Variants in CCDC91 observed in about 807,000 individuals in gnomAD.
CCDC91 encodes the protein coiled-coil domain-containing protein 91.
CCDC91 carries 48 observed loss-of-function variants against 63.2 expected under a neutral mutation model. The observed-to-expected ratio is 0.76, with a 90% CI of 0.60 to 0.97. The LOEUF is 0.97. Among genes scored for constraint, CCDC91 ranks in the 50% least tolerant of loss-of-function variants. The pLI is 0.00. For synonymous variants in CCDC91, 167 were observed against 165.8 expected (o/e 1.01, Z -0.06); for missense variants, 500 against 494.6 (o/e 1.01, Z -0.10).
chr12:28,420,667 C>T (rs1196721810), intron 8 of CCDC91, among the ~76,000 whole-genome samples: 1 of 151,968 alleles, frequency 6.6e-6, no homozygotes, highest in Admixed American at 6.6e-5. Context: ...GTATTTCCCA[C>T]CTATTTGTTC....
chr12:28,539,061 T>C (rs1001153527), intron 12 of CCDC91, among the ~76,000 whole-genome samples: 20 of 152,202 alleles, frequency 1.3e-4, no homozygotes, highest in African/African-American at 4.6e-4. Context: ...GTAGGTTGCC[T>C]GTTCACTCTG....
chr12:28,328,548 A>G (rs992705941), intron 6 of CCDC91, among the ~76,000 whole-genome samples: 1 of 152,168 alleles, frequency 6.6e-6, no homozygotes, highest in Non-Finnish European at 1.5e-5. Context: ...GACTCCTTGC[A>G]TAGTGGAAGT....
chr12:28,511,204 C>T (rs567860996), intron 12 of CCDC91, among the ~76,000 whole-genome samples: 2 of 151,986 alleles, frequency 1.3e-5, no homozygotes, highest in East Asian at 3.9e-4. Context: ...GACCAAGCTA[C>T]CATTATCTTT....
At chr12:28,439,035 A>G (rs1949048513) in intron 8 of CCDC91, among the ~76,000 whole-genome samples, 1 of 152,186 alleles carries the variant, frequency 6.6e-6, no homozygotes, top group Non-Finnish European at 1.5e-5. Context: ...CTGCCTTTTT[A>G]ATGCTGATGC....
In CCDC91 at chr12:28,305,749, A is replaced by G. The variant is rs766905956; in HGVS notation, c.210A>G (p.Ser70=). The G allele has an allele frequency of 1.2e-6, 2 of 1,613,196 alleles. No individual in the cohort carries two copies. The highest frequency in any genetic ancestry group is 2.2e-5 in the South Asian group (2 of 91,042). The part of the protein sequence containing the change: ...GCLSSDAIIS[S]PENTHAANSI... ...TCTCTTCTGATGCCATTATTTCATCACCAGAGAATACACATGCAGCAAATA... is the reference window on the plus strand; with the variant it reads ...TCTCTTCTGATGCCATTATTTCATCGCCAGAGAATACACATGCAGCAAATA... Residue 70 remains serine (S), a synonymous_variant, in exon 4 of 13, where the codon TCA becomes TCG. Transcript: ENST00000536442.
chr12:28,303,981 A>G (rs993087430), intron 3 of CCDC91, among the ~76,000 whole-genome samples: 2 of 152,098 alleles, frequency 1.3e-5, no homozygotes, highest in Non-Finnish European at 2.9e-5. Context: ...TCACTATTCT[A>G]CTTGTATAGA....
At chr12:28,423,356 A>G (rs1298927454) in intron 8 of CCDC91, among the ~76,000 whole-genome samples, 1 of 152,144 alleles carries the variant, frequency 6.6e-6, no homozygotes, top group Non-Finnish European at 1.5e-5. Flanking sequence ...AATATTAGTA[A>G]GTTTCTTATG....
chr12:28,210,536 A>G (rs1252168453), intron 1 of CCDC91, among the ~76,000 whole-genome samples: 3 of 152,166 alleles, frequency 2.0e-5, no homozygotes, highest in African/African-American at 7.2e-5. Context: ...AGTCTTTGGA[A>G]GAACAGGGCC....
chr12:28,302,059 A>G (rs1194357076), intron 3 of CCDC91, among the ~76,000 whole-genome samples: 1 of 151,502 alleles, frequency 6.6e-6, no homozygotes, highest in African/African-American at 2.4e-5. Flanking sequence ...TCCTTATTCT[A>G]CTTTTTAAAT....
At chr12:28,506,060 T>C (rs995063374) in intron 12 of CCDC91, among the ~76,000 whole-genome samples, 3 of 152,180 alleles carry the variant, frequency 2.0e-5, no homozygotes, top group Non-Finnish European at 4.4e-5. Flanking sequence ...AAGTCTTATT[T>C]GTATTTACTT....
chr12:28,363,927 T>A (rs1592435326), intron 7 of CCDC91, among the ~76,000 whole-genome samples: 1 of 138,354 alleles, frequency 7.2e-6, no homozygotes, highest in African/African-American at 2.7e-5. Context: ...TGGATAAAAG[T>A]AGGAAAAAAA....
intron 8 of CCDC91, among the ~76,000 whole-genome samples, chr12:28,396,206 G>A (rs1039095969): frequency 2.0e-5 from 3 of 152,158 alleles, no homozygotes; most frequent in African/African-American, 7.2e-5. Flanking sequence ...CATGAAAGAG[G>A]CAGATGGAAT....
chr12:28,385,359 A>C (rs2139170019), intron 7 of CCDC91, among the ~76,000 whole-genome samples: 1 of 152,264 alleles, frequency 6.6e-6, no homozygotes, highest in Non-Finnish European at 1.5e-5. Context: ...ATCATGATTA[A>C]TTTGTTTAGT....
At chr12:28,401,990 C>A (rs191927565) in intron 8 of CCDC91, among the ~76,000 whole-genome samples, 3 of 152,184 alleles carry the variant, frequency 2.0e-5, no homozygotes, top group Admixed American at 2.0e-4. Context: ...CTATCGATTA[C>A]CCCCATACCT....
chr12:28,234,485 A>G (rs1053522443), intron 1 of CCDC91, among the ~76,000 whole-genome samples: 13 of 152,162 alleles, frequency 8.5e-5, no homozygotes, highest in African/African-American at 3.1e-4. Context: ...GCTATCTTAC[A>G]GATTTTTAAA....
intron 3 of CCDC91, among the ~76,000 whole-genome samples, chr12:28,270,425 A>T (rs997074390): frequency 3.3e-5 from 5 of 152,134 alleles, no homozygotes; most frequent in African/African-American, 9.6e-5. Context: ...TTTGGAGGAA[A>T]CTTTAATTCA....
At chr12:28,473,017 T>G (rs930854957) in intron 11 of CCDC91, among the ~76,000 whole-genome samples, 2 of 152,184 alleles carry the variant, frequency 1.3e-5, no homozygotes, top group Non-Finnish European at 2.9e-5. Flanking sequence ...ACAATGTTGA[T>G]TATAGTTCAA....
chr12:28,249,236 A>T (rs1222307436), intron 1 of CCDC91, among the ~76,000 whole-genome samples: 1 of 152,182 alleles, frequency 6.6e-6, no homozygotes, highest in Non-Finnish European at 1.5e-5. Flanking sequence ...GAAGAGGGGA[A>T]ACATGAATTT....
chr12:28,271,967 T>G (rs1430049786), intron 3 of CCDC91, among the ~76,000 whole-genome samples: 2 of 150,644 alleles, frequency 1.3e-5, no homozygotes, highest in Admixed American at 1.3e-4. Flanking sequence ...AGTATTATGC[T>G]TGTTTGGAAA....
Sources: gnomAD v4.1 joint callset for allele counts (sites outside exome capture counted in the v4.1 genomes callset) on GRCh38, gnomAD v4.1.1 for gene constraint, MANE v1.5 for transcripts, NCBI Gene and HGNC (gene_info 2026-07-23, HGNC 2026-07-21) for gene names.